GPC5: variants seen among roughly 807,000 people sequenced by gnomAD.
The protein encoded by GPC5 is glypican 5.
A neutral mutation model predicts 53.9 loss-of-function variants in GPC5; 47 were observed. That is an observed-to-expected ratio of 0.87 (90% CI 0.69 to 1.11). GPC5 has a LOEUF of 1.11. Among genes scored for constraint, GPC5 ranks in the 50% most tolerant of loss-of-function variants. GPC5 has a pLI of 0.00. For missense variants in GPC5, 748 were observed against 713.1 expected (o/e 1.05, Z -0.56); for synonymous variants, 286 against 263.3 (o/e 1.09, Z -0.84).
At chr13:91,776,666 C>G (rs568766909) in intron 5 of GPC5, among the ~76,000 whole-genome samples, 2 of 152,310 alleles carry the variant, frequency 1.3e-5, no homozygotes, top group East Asian at 3.9e-4. Context: ...TTGTTATGCT[C>G]TAGGGCCAGT....
At chr13:91,523,602 C>A (rs986677903) in intron 2 of GPC5, among the ~76,000 whole-genome samples, 2 of 152,068 alleles carry the variant, frequency 1.3e-5, no homozygotes, top group East Asian at 1.9e-4. Context: ...GGACTGTGGT[C>A]AAAGTTTTAG....
chr13:92,068,402 T>C (rs2041183743), intron 6 of GPC5, among the ~76,000 whole-genome samples: 1 of 151,830 alleles, frequency 6.6e-6, no homozygotes, highest in South Asian at 2.1e-4. Context: ...CTATATTTAG[T>C]TATTAGTTCT....
At chr13:91,747,368 G>A (rs867269440) in intron 4 of GPC5, among the ~76,000 whole-genome samples, 1 of 152,152 alleles carries the variant, frequency 6.6e-6, no homozygotes, top group African/African-American at 2.4e-5. Flanking sequence ...AAGCAATGAA[G>A]CAATAACTAT....
chr13:92,616,663 G>A (rs902696797), intron 7 of GPC5, among the ~76,000 whole-genome samples: 2 of 152,122 alleles, frequency 1.3e-5, no homozygotes, highest in Non-Finnish European at 2.9e-5. Flanking sequence ...TTTATACAAA[G>A]GATTACAATA....
intron 5 of GPC5, among the ~76,000 whole-genome samples, chr13:91,838,285 C>G (rs2038744878): frequency 6.6e-6 from 1 of 151,992 alleles, no homozygotes; most frequent in African/African-American, 2.4e-5. Context: ...AGTGACATCC[C>G]CAGGATCCAG....
chr13:92,342,853 G>A (rs2043378613), intron 7 of GPC5, among the ~76,000 whole-genome samples: 2 of 151,994 alleles, frequency 1.3e-5, no homozygotes, highest in South Asian at 4.1e-4. Context: ...TTTGGTCAGA[G>A]ATTCAGAGTT....
intron 5 of GPC5, among the ~76,000 whole-genome samples, chr13:91,867,088 G>T (rs1190027036): frequency 6.6e-6 from 1 of 152,192 alleles, no homozygotes; most frequent in Non-Finnish European, 1.5e-5. Flanking sequence ...GGTGGCACAT[G>T]CCTGTAATCC....
Position 91,528,796 on chromosome 13 carries a change from A to G in GPC5, c.325+79874A>G, listed in dbSNP as rs551925810. Among the ~76,000 whole-genome samples, 8 of 152,312 alleles carry G rather than the reference A, an allele frequency of 5.3e-5. No homozygotes were observed. The South Asian group carries it at 1.7e-3, about 32-fold the overall frequency. ...CTCAGGAAACTTACAATCATGGTGG[A>G]AGGTGGAAGGGAAGAAAGGCACATC... On this transcript the variant is annotated intron_variant, in intron 2 of 7. Coordinates refer to ENST00000377067, the MANE Select transcript of GPC5 (RefSeq NM_004466.6).
intron 1 of GPC5, among the ~76,000 whole-genome samples, chr13:91,430,286 G>T (rs905001879): frequency 6.6e-6 from 1 of 152,176 alleles, no homozygotes; most frequent in African/African-American, 2.4e-5. Flanking sequence ...AGTCAGATGG[G>T]CATACCTTGG....
intron 6 of GPC5, among the ~76,000 whole-genome samples, chr13:92,038,927 C>A (rs977724882): frequency 6.6e-6 from 1 of 152,058 alleles, no homozygotes; most frequent in Non-Finnish European, 1.5e-5. Flanking sequence ...GCAGAAAAAC[C>A]ATGTGTGTGT....
intron 7 of GPC5, among the ~76,000 whole-genome samples, chr13:92,248,753 T>A (rs2042670953): frequency 6.6e-6 from 1 of 152,124 alleles, no homozygotes; most frequent in East Asian, 1.9e-4. Context: ...GAGTACAGGG[T>A]GAGGAGATGG....
chr13:92,827,835 C>T (rs566461990), intron 7 of GPC5, among the ~76,000 whole-genome samples: 5 of 152,148 alleles, frequency 3.3e-5, no homozygotes, highest in African/African-American at 9.6e-5. Flanking sequence ...CCAGAAATGA[C>T]AACGGTTGGA....
intron 6 of GPC5, among the ~76,000 whole-genome samples, chr13:91,972,771 C>G (rs2040256493): frequency 3.3e-5 from 5 of 152,142 alleles, no homozygotes; most frequent in Admixed American, 3.3e-4. Context: ...AAATTCTTTT[C>G]TTTAAGAATG....
rs867227121 is a variant in GPC5, at chr13:92,138,500, A to G, written c.1402-6330A>G. On this transcript the variant is annotated intron_variant, in intron 6 of 7. Transcript: ENST00000377067. ...ACACCGCTGCGCTCCAGGCTGGGTG[A>G]CAGAGCCAGACTCCATCTCAAAAAA... 5.3e-5 allele frequency among the ~76,000 whole-genome samples: 8 copies of G among 151,504 alleles called. No homozygotes were observed. The South Asian group carries it at 1.0e-3, about 20-fold the overall frequency.
chr13:91,935,954 A>C lies in GPC5; in HGVS notation c.1401+27897A>C, dbSNP rs1285790973. On this transcript the variant is annotated intron_variant, in intron 6 of 7. Transcript: ENST00000377067. ...CTGAGCCTGGAGGAAGAAACCCAAG[A>C]TGTAATGTACCCAGGTAGAGAAGTA... 2.0e-5 allele frequency among the ~76,000 whole-genome samples: 3 copies of C among 152,008 alleles called. No homozygotes were observed. The East Asian group carries it at 5.8e-4, about 29-fold the overall frequency.
chr13:91,997,290 T>C (rs1457845919), intron 6 of GPC5, among the ~76,000 whole-genome samples: 2 of 152,224 alleles, frequency 1.3e-5, no homozygotes, highest in African/African-American at 2.4e-5. Context: ...TTTATTTCCT[T>C]GTCTTCTTAC....
intron 7 of GPC5, among the ~76,000 whole-genome samples, chr13:92,265,466 T>C (rs2042796517): frequency 6.6e-6 from 1 of 152,124 alleles, no homozygotes; most frequent in Non-Finnish European, 1.5e-5. Flanking sequence ...CTTCACTCCA[T>C]TTTTCAGTAA....
intron 2 of GPC5, among the ~76,000 whole-genome samples, chr13:91,615,339 G>T (rs1439625380): frequency 6.6e-6 from 1 of 152,166 alleles, no homozygotes; most frequent in Non-Finnish European, 1.5e-5. Flanking sequence ...AGGGAAGATA[G>T]GGAAAGGTAT....
At chr13:91,880,993 G>C (rs1251927889) in intron 5 of GPC5, among the ~76,000 whole-genome samples, 2 of 152,140 alleles carry the variant, frequency 1.3e-5, no homozygotes, top group Non-Finnish European at 2.9e-5. Flanking sequence ...GTTTTGACAT[G>C]TTGGCAAGGC....
Sources: gnomAD v4.1 joint callset for allele counts (sites outside exome capture counted in the v4.1 genomes callset) on GRCh38, gnomAD v4.1.1 for gene constraint, MANE v1.5 for transcripts, NCBI Gene and HGNC (gene_info 2026-07-23, HGNC 2026-07-21) for gene names.